Variants in COL5A3 observed in about 807,000 individuals in gnomAD.
COL5A3 encodes collagen type V alpha 3 chain.
COL5A3 carries 172 observed loss-of-function variants against 250.0 expected under a neutral mutation model. The ratio of observed to expected loss-of-function variants is 0.69; its 90% confidence interval spans 0.61 to 0.78. COL5A3 has a LOEUF of 0.78. Ranked by LOEUF, COL5A3 falls within the 30% of genes least tolerant of loss-of-function variation. The pLI, the probability that COL5A3 is intolerant of heterozygous loss-of-function variation, is 0.00. For missense variants in COL5A3, 2,340 were observed against 2,334.4 expected, an observed-to-expected ratio of 1.00 and a Z score of -0.05; for synonymous variants, 937 against 900.4, an observed-to-expected ratio of 1.04 and a Z score of -0.73.
At position 9,978,620 on chromosome 19, in the gene COL5A3, G is replaced by C; in HGVS notation, c.2972C>G (p.Thr991Ser). ...PKGGPGDPGP[T>S]GLKGDKGPPG... ...GGGGCCCTTATCACCCTTTAAGCCA[G>C]TAGGTCCCTGAAGGAGGAGATAATT... The change falls in exon 41 of 67, where the codon ACT becomes AGT. Residue 991 changes from threonine (T) to serine (S), a missense_variant. Physicochemically the swap from Thr to Ser is moderately conservative, Grantham distance 58. Transcript: ENST00000264828. 4 of 1,566,962 alleles carry C rather than the reference G, an allele frequency of 2.6e-6. No homozygotes were observed. The highest frequency in any genetic ancestry group is 3.5e-6 in the Non-Finnish European group (4 of 1,158,528).
intron 64 of COL5A3, among the ~76,000 whole-genome samples, chr19:9,965,156 C>CTTTTTTTTT (rs771519552): frequency 4.0e-5 from 4 of 100,306 alleles, no homozygotes; most frequent in South Asian, 3.7e-4. Flanking sequence ...TTTTCTTTTT[C>CTTTTTTTTT]TTTTTTTTTT....
In COL5A3 at chr19:9,980,507, G is replaced by A. The variant is rs371468305; in HGVS notation, c.2604+141C>T. 1.1e-4 allele frequency: 137 copies of A among 1,236,198 alleles called. 2 individuals carry two copies. Among genetic ancestry groups the A allele is most frequent in the Middle Eastern group, 2.7e-4 (1 of 3,674 alleles). 76.6% of individuals were successfully genotyped at this position (1,236,198 alleles called of 1,614,324 possible). On this transcript the variant is annotated intron_variant, in intron 35 of 66. Coordinates refer to ENST00000264828, the MANE Select transcript of COL5A3 (RefSeq NM_015719.4). The stretch of plus-strand genomic sequence containing the variant: ...TTCCAGCATAGGTGGGACTACAGGC[G>A]TGCACCACCACACCCAATTAAGCTG...
At position 9,996,643 on chromosome 19, in the gene COL5A3, C is replaced by A. The variant is rs1192787935; in HGVS notation, c.1310G>T (p.Gly437Val). 1 of 1,612,340 alleles carries A rather than the reference C, an allele frequency of 6.2e-7. No individual in the cohort carries two copies. The highest frequency in any genetic ancestry group is 8.5e-7 in the Non-Finnish European group (1 of 1,179,576). Reference sequence around the variant, plus strand: ...CATCATGATCACAGTGCCCGGTGGGCCTCGGATCCCATCAATGCCGGGGAT... The same window carrying A: ...CATCATGATCACAGTGCCCGGTGGGACTCGGATCCCATCAATGCCGGGGAT... Reference protein sequence around the residue: ...PGIPGIDGIRGPPGTVIMMPF... With the variant: ...PGIPGIDGIRVPPGTVIMMPF... The change falls in exon 12 of 67, where the codon GGC becomes GTC. Residue 437 changes from glycine to valine, a missense_variant. Gly to Val is a moderately radical substitution (Grantham distance 109). Coordinates refer to ENST00000264828, the MANE Select transcript of COL5A3 (RefSeq NM_015719.4).
At chr19:10,003,930 G>A in intron 5 of COL5A3, 111 bp downstream of exon 5, 1 of 1,067,274 alleles carries the variant, frequency 9.4e-7, no homozygotes. Flanking sequence ...GAGGTCACGG[G>A]TCACTTAACC....
chr19:9,981,558 A>G (rs1198604134), intron 32 of COL5A3, among the ~76,000 whole-genome samples: 1 of 152,224 alleles, frequency 6.6e-6, no homozygotes, highest in African/African-American at 2.4e-5. Context: ...TTGTCTTGGT[A>G]AGCACAGCAG....
At chr19:9,961,645 G>A (rs1014066842) in intron 65 of COL5A3, among the ~76,000 whole-genome samples, 12 of 147,686 alleles carry the variant, frequency 8.1e-5, no homozygotes, top group African/African-American at 2.5e-4. Context: ...TGCAAGCTCC[G>A]CCTCCCGGGT....
At chr19:9,967,659 G>T in intron 61 of COL5A3, 2 of 544,238 alleles carry the variant, frequency 3.7e-6, no homozygotes, top group South Asian at 3.1e-5. Context: ...AACATCTTTG[G>T]CAAGTCATAG....
chr19:9,981,428 C>A (rs1254483880), intron 32 of COL5A3, among the ~76,000 whole-genome samples: 1 of 152,174 alleles, frequency 6.6e-6, no homozygotes, highest in African/African-American at 2.4e-5. Flanking sequence ...TGCATGTAAT[C>A]ATGGCATGCA....
At position 9,977,279 on chromosome 19, in the gene COL5A3, C is replaced by T. The variant is rs1313783131; in HGVS notation, c.3238G>A (p.Asp1080Asn). 6.2e-7 allele frequency: 1 copy of T among 1,614,114 alleles called. No individual in the cohort carries two copies. The highest frequency in any genetic ancestry group is 1.3e-5 in the African/African-American group (1 of 75,050). ...CCCTTGTGTCCGGGGGCACCCACAT[C>T]CCCCTGCAGAGGAAATGGGATGAAG... is the stretch of plus-strand genomic sequence containing the variant. Reference protein sequence around the residue: ...GPSGEEGDKGDVGAPGHKGSK... With the variant: ...GPSGEEGDKGNVGAPGHKGSK... Residue 1080 changes from aspartate (D) to asparagine (N), a missense_variant, in exon 44 of 67, where the codon GAT becomes AAT. Asp to Asn is a conservative substitution (Grantham distance 23). This residue lies in a region of COL5A3 where 1,179 missense variants were observed against 1,162.6 expected (regional missense o/e 1.01). Coordinates refer to ENST00000264828, the MANE Select transcript of COL5A3 (RefSeq NM_015719.4).
In COL5A3 at chr19:9,985,852, G is replaced by C; in HGVS notation, c.2396C>G (p.Pro799Arg). Residue 799 changes from proline to arginine, a missense_variant, in exon 31 of 67, where the codon CCT becomes CGT. Physicochemically the swap from Pro to Arg is moderately radical, Grantham distance 103 (BLOSUM62 -2). Coordinates refer to ENST00000264828, the MANE Select transcript of COL5A3 (RefSeq NM_015719.4). ...CCCCCAGCTTCCTACCTTAGGTCCAGGGCGTCCTGGATAACCTGGGAGGCC... is the reference window on the plus strand; with the variant it reads ...CCCCCAGCTTCCTACCTTAGGTCCACGGCGTCCTGGATAACCTGGGAGGCC... ...VPGLPGYPGRPGPKGSIGFPG... is the reference protein window; with the variant it reads ...VPGLPGYPGRRGPKGSIGFPG... The C allele has an allele frequency of 1.2e-6, 2 of 1,613,848 alleles. No individual in the cohort carries two copies. The highest frequency in any genetic ancestry group is 1.7e-6 in the Non-Finnish European group (2 of 1,179,848).
intron 8 of COL5A3, among the ~76,000 whole-genome samples, chr19:10,001,236 C>T (rs919719110): frequency 2.0e-5 from 3 of 151,798 alleles, no homozygotes; most frequent in Non-Finnish European, 4.4e-5. Context: ...GCCTCTGCCT[C>T]CCGGGTTCAA....
Position 10,005,864 on chromosome 19 carries a change from C to T in COL5A3, c.369G>A (p.Gly123=), listed in dbSNP as rs770268081. Residue 123 remains glycine (G), a synonymous_variant, in exon 3 of 67, where the codon GGG becomes GGA. Transcript: ENST00000264828. ...GGTCACCTAGGAGACCCAGCGCTGG[C>T]CCCAGTGCCAGGCCCAACTGCCGGG... ...RGARQLGLAL[G]PALGLLGDPF... is the part of the protein sequence containing the mutation. 4 of 1,613,752 alleles carry T rather than the reference C, an allele frequency of 2.5e-6. No homozygotes were observed. The highest frequency in any genetic ancestry group is 2.2e-5 in the East Asian group (1 of 44,886).
intron 4 of COL5A3, among the ~76,000 whole-genome samples, chr19:10,004,607 A>G (rs2145144308): frequency 6.6e-6 from 1 of 152,318 alleles, no homozygotes; most frequent in Admixed American, 6.5e-5. Flanking sequence ...CTGGGATTAC[A>G]GGTATGAGCC....
rs2087092737 is a variant in COL5A3 at position 9,985,905 on chromosome 19, G to A, written c.2353-10C>T. 1 of 1,614,024 alleles carries A rather than the reference G, an allele frequency of 6.2e-7. No individual in the cohort carries two copies. The highest frequency in any genetic ancestry group is 1.7e-5 in the Admixed American group (1 of 59,996). On this transcript the variant is annotated splice_polypyrimidine_tract_variant and intron_variant, in intron 30 of 66. Coordinates refer to ENST00000264828, the MANE Select transcript of COL5A3 (RefSeq NM_015719.4). The stretch of plus-strand genomic sequence containing the variant: ...GCACCCCAAGCTTGCCCTGCAGAAA[G>A]GTTATGGGACAAAGGTCAGAAATTG...
At chr19:10,003,902 C>T in intron 5 of COL5A3, 139 bp downstream of exon 5, 1 of 1,004,768 alleles carries the variant, frequency 1.0e-6, no homozygotes, top group South Asian at 1.5e-5. Context: ...CAAAGTCATT[C>T]ATGCCTGGGA....
chr19:9,994,043 G>C (rs961753897), intron 16 of COL5A3, among the ~76,000 whole-genome samples: 52 of 152,050 alleles, frequency 3.4e-4, no homozygotes, highest in African/African-American at 1.2e-3. Flanking sequence ...TTTTGGTAGA[G>C]ATGGTGGGGG....
intron 45 of COL5A3, among the ~76,000 whole-genome samples, chr19:9,975,661 G>A (rs1413496637): frequency 6.6e-6 from 1 of 151,726 alleles, no homozygotes; most frequent in East Asian, 1.9e-4. Context: ...TTGGATTTTG[G>A]TATTGAGGGA....
intron 16 of COL5A3, among the ~76,000 whole-genome samples, chr19:9,994,480 T>C (rs1473756755): frequency 6.7e-6 from 1 of 149,330 alleles, no homozygotes; most frequent in African/African-American, 2.5e-5. Flanking sequence ...TGCTATGCCA[T>C]GGCTGATTTT....
In COL5A3 at chr19:9,981,066, G is replaced by A. The variant is rs377512740; in HGVS notation, c.2505+22C>T. ...CTGTCCCCAAGTCCCAGCAGGGTAG[G>A]GGGCACTGTCTATTTTCTTACTGGT... is the stretch of plus-strand genomic sequence containing the variant. On this transcript the variant is annotated intron_variant, in intron 33 of 66. Coordinates refer to ENST00000264828, the MANE Select transcript of COL5A3 (RefSeq NM_015719.4). 101 of 1,612,738 alleles carry A rather than the reference G, an allele frequency of 6.3e-5. No homozygotes were observed. In the African/African-American group the frequency reaches 1.1e-3, roughly 17 times the overall value.
Sources: allele counts gnomAD v4.1 joint callset (sites outside exome capture counted in the v4.1 genomes callset), GRCh38; gene constraint gnomAD v4.1.1; regional missense constraint gnomAD v4.1.1; transcripts MANE v1.5; gene names NCBI Gene and HGNC (gene_info 2026-07-23, HGNC 2026-07-21).